C1orf87: variants seen among roughly 807,000 people sequenced by gnomAD.
C1orf87 encodes the protein chromosome 1 open reading frame 87, also known as uncharacterized protein C1orf87.
C1orf87 carries 58 observed loss-of-function variants against 60.5 expected under a neutral mutation model. That is an observed-to-expected ratio of 0.96 (90% CI 0.78 to 1.19). The LOEUF (loss-of-function observed/expected upper bound fraction) is 1.19. Ranked by LOEUF, C1orf87 falls within the 50% of genes most tolerant of loss-of-function variation. C1orf87 has a pLI of 0.00. For synonymous variants in C1orf87, 236 were observed against 227.4 expected (o/e 1.04, Z -0.34); for missense variants, 673 against 638.6 (o/e 1.05, Z -0.58).
rs146448457 is a variant in C1orf87 at position 60,022,695 on chromosome 1, T to A, written c.1127+2706A>T. ...AGTTGAAAGCCTTCATCTTTTCACA[T>A]AAGAAAGTATTTTACAGTTTATCTT... On this transcript the variant is annotated intron_variant, in intron 8 of 11. Coordinates refer to ENST00000371201, the MANE Select transcript of C1orf87 (RefSeq NM_152377.3). Among the ~76,000 whole-genome samples, 285 of 152,260 alleles carry A rather than the reference T, an allele frequency of 1.9e-3. 2 individuals are homozygous for A. Among genetic ancestry groups the A allele is most frequent in the Admixed American group, 0.016 (246 of 15,296 alleles).
chr1:60,063,384 C>G (rs532614596), intron 2 of C1orf87, among the ~76,000 whole-genome samples: 4 of 152,242 alleles, frequency 2.6e-5, no homozygotes, highest in African/African-American at 7.2e-5. Context: ...TGTTTTCTCT[C>G]TTTTTATTTG....
intron 9 of C1orf87, among the ~76,000 whole-genome samples, chr1:60,006,191 C>G (rs1645044132): frequency 6.6e-6 from 1 of 152,004 alleles, no homozygotes; most frequent in Admixed American, 6.6e-5. Flanking sequence ...AGTTGAGGGA[C>G]TACCATATAG....
At chr1:59,992,224 CT>C (rs1158399644) in intron 11 of C1orf87, among the ~76,000 whole-genome samples, 2,115 of 143,638 alleles carry the variant, frequency 0.015, 49 homozygotes, top group African/African-American at 0.051. Flanking sequence ...AAGTAGGGGT[CT>C]ATTTATTTAT....
At chr1:60,067,617 C>T (rs1195383847) in intron 2 of C1orf87, among the ~76,000 whole-genome samples, 1 of 131,164 alleles carries the variant, frequency 7.6e-6, no homozygotes, top group East Asian at 2.4e-4. Flanking sequence ...AGACTCTGGA[C>T]ATTAGCCCTT....
chr1:60,062,415 A>G (rs1645503257), intron 2 of C1orf87, among the ~76,000 whole-genome samples: 1 of 152,186 alleles, frequency 6.6e-6, no homozygotes, highest in South Asian at 2.1e-4. Context: ...ATGCCAAAGT[A>G]CATATACTTT....
At chr1:60,022,120 T>TC (rs1394835713) in intron 8 of C1orf87, among the ~76,000 whole-genome samples, 1 of 151,490 alleles carries the variant, frequency 6.6e-6, no homozygotes, top group Non-Finnish European at 1.5e-5. Flanking sequence ...TTTTTTTTTT[T>TC]TTTTTTTGCC....
chr1:60,014,547 C>A (rs187726188), intron 8 of C1orf87, among the ~76,000 whole-genome samples: 331 of 151,952 alleles, frequency 2.2e-3, no homozygotes, highest in African/African-American at 7.7e-3. Context: ...TTAAAAAAAA[C>A]AAACAAACCT....
chr1:60,051,706 G>T lies in C1orf87; in HGVS notation c.342+3498C>A, dbSNP rs111403401. 5.3e-3 allele frequency among the ~76,000 whole-genome samples: 804 copies of T among 152,280 alleles called. 7 individuals carry two copies. Among genetic ancestry groups the T allele is most frequent in the African/African-American group, 0.019 (772 of 41,548 alleles). On this transcript the variant is annotated intron_variant, in intron 3 of 11. Transcript: ENST00000371201. ...ATACAGAGAGAGAGCTTTAAAGTCA[G>T]AAAAGTCAGTTTGAAGATGATTAAA...
At chr1:60,044,892 C>T (rs1645354826) in intron 3 of C1orf87, among the ~76,000 whole-genome samples, 4 of 152,142 alleles carry the variant, frequency 2.6e-5, no homozygotes. Context: ...TCAATCAATC[C>T]TAGTTGTGTG....
At chr1:60,072,890 T>A (rs1289687162) in intron 1 of C1orf87, among the ~76,000 whole-genome samples, 1 of 152,204 alleles carries the variant, frequency 6.6e-6, no homozygotes, top group Non-Finnish European at 1.5e-5. Context: ...CTATATGACT[T>A]ACTCACATCA....
intron 8 of C1orf87, among the ~76,000 whole-genome samples, chr1:60,017,802 G>A (rs1338122228): frequency 6.6e-6 from 1 of 152,102 alleles, no homozygotes; most frequent in African/African-American, 2.4e-5. Context: ...GCCTTATCCT[G>A]GCAGTCATTC....
chr1:60,033,952 A>C (rs2100287863), intron 6 of C1orf87, among the ~76,000 whole-genome samples: 1 of 152,338 alleles, frequency 6.6e-6, no homozygotes, highest in African/African-American at 2.4e-5. Context: ...TTGAGACAAA[A>C]AATAAGCAAT....
intron 3 of C1orf87, among the ~76,000 whole-genome samples, chr1:60,047,539 A>T (rs1645381434): frequency 6.6e-6 from 1 of 152,206 alleles, no homozygotes; most frequent in Non-Finnish European, 1.5e-5. Context: ...AACATAATGC[A>T]GATGCAAGGC....
intron 3 of C1orf87, among the ~76,000 whole-genome samples, chr1:60,042,492 C>A (rs1028595482): frequency 3.9e-5 from 6 of 152,184 alleles, no homozygotes; most frequent in Non-Finnish European, 8.8e-5. Flanking sequence ...GTTTTATAGT[C>A]ATGAACATTT....
intron 9 of C1orf87, among the ~76,000 whole-genome samples, chr1:60,003,732 TTAAA>T (rs373889637): frequency 2.1e-3 from 321 of 152,194 alleles, no homozygotes; most frequent in African/African-American, 7.5e-3. Context: ...CTCATTAGAA[TTAAA>T]TACTCAATGA....
intron 2 of C1orf87, among the ~76,000 whole-genome samples, chr1:60,066,909 A>G (rs1188669759): frequency 1.3e-5 from 2 of 151,786 alleles, no homozygotes; most frequent in Non-Finnish European, 2.9e-5. Context: ...CCTCCCACTT[A>G]TAAGTGAGAA....
intron 10 of C1orf87, 27 bp downstream of exon 10, chr1:60,001,050 C>G: frequency 2.5e-6 from 4 of 1,585,120 alleles, no homozygotes; most frequent in Non-Finnish European, 3.5e-6. Flanking sequence ...AACCTTCCCC[C>G]AAACTCTATA....
intron 8 of C1orf87, among the ~76,000 whole-genome samples, chr1:60,021,472 C>T (rs887096005): frequency 6.6e-6 from 1 of 152,168 alleles, no homozygotes; most frequent in Non-Finnish European, 1.5e-5. Flanking sequence ...GGAAGGCCTT[C>T]TTCAAGTTGC....
chr1:60,055,491 C>G lies in C1orf87; in HGVS notation c.108-53G>C, dbSNP rs1053200813. ...TACTTACAGGCAGACTCCTCATACA[C>G]TAGGCTGGCATAAGAACAGAAGGTG... On this transcript the variant is annotated intron_variant, in intron 2 of 11. Coordinates refer to ENST00000371201, the MANE Select transcript of C1orf87 (RefSeq NM_152377.3). The G allele has an allele frequency of 2.7e-5, 40 of 1,491,566 alleles. No homozygotes were observed. In the African/African-American group the frequency reaches 3.6e-4, roughly 13 times the overall value. 92.4% of individuals were successfully genotyped at this position (1,491,566 alleles called of 1,614,324 possible).
Sources: gnomAD v4.1 joint callset for allele counts (sites outside exome capture counted in the v4.1 genomes callset) on GRCh38, gnomAD v4.1.1 for gene constraint, MANE v1.5 for transcripts, NCBI Gene and HGNC (gene_info 2026-07-23, HGNC 2026-07-21) for gene names.